Variants in RALYL observed in about 807,000 individuals in gnomAD.
The protein encoded by RALYL is RALY RNA binding protein like.
In RALYL, 29 loss-of-function variants were observed where a neutral mutation model predicts 35.1. The ratio of observed to expected loss-of-function variants is 0.83; its 90% CI spans 0.61 to 1.13. RALYL has a LOEUF of 1.13. Among genes scored for constraint, RALYL ranks in the 50% most tolerant of loss-of-function variants. RALYL has a pLI of 0.00. For missense variants in RALYL, 359 were observed against 360.4 expected (o/e 1.00, Z 0.03); for synonymous variants, 120 against 127.6 (o/e 0.94, Z 0.40).
chr8:84,541,889 G>A (rs138615085), intron 2 of RALYL, among the ~76,000 whole-genome samples: 12 of 152,072 alleles, frequency 7.9e-5, no homozygotes, highest in African/African-American at 2.6e-4. Context: ...CTTGATTTGT[G>A]TTTGTATGGT....
At chr8:84,703,247 G>T (rs527564389) in intron 2 of RALYL, among the ~76,000 whole-genome samples, 2 of 152,052 alleles carry the variant, frequency 1.3e-5, no homozygotes, top group Non-Finnish European at 2.9e-5. Flanking sequence ...AAGCCACTAG[G>T]CCCAGATGTG....
chr8:84,185,079 G>A lies in RALYL; in HGVS notation c.-24+655G>A, dbSNP rs552062576. The A allele has an allele frequency of 8.9e-6, 14 of 1,565,724 alleles. No individual in the cohort carries two copies. In the East Asian group the frequency reaches 2.9e-4, roughly 33 times the overall value. ...TTGCTTTCTTAGGGATGCTGTCTTT[G>A]GATCTTTTTTTTCCCTGTTGTGTTG... is the stretch of plus-strand genomic sequence containing the variant. On this transcript the variant is annotated intron_variant, in intron 1 of 8. Transcript: ENST00000521268.
intron 2 of RALYL, among the ~76,000 whole-genome samples, chr8:84,656,953 T>A (rs1830069085): frequency 6.6e-6 from 1 of 152,116 alleles, no homozygotes; most frequent in South Asian, 2.1e-4. Context: ...GAAAAAATGT[T>A]TTATGAGGCA....
chr8:84,258,923 T>C (rs1200622792), intron 1 of RALYL, among the ~76,000 whole-genome samples: 1 of 152,152 alleles, frequency 6.6e-6, no homozygotes, highest in African/African-American at 2.4e-5. Context: ...GTGTTTCTGT[T>C]CTATCTTTAT....
intron 2 of RALYL, among the ~76,000 whole-genome samples, chr8:84,649,293 C>T (rs1390138815): frequency 6.6e-6 from 1 of 152,026 alleles, no homozygotes; most frequent in Non-Finnish European, 1.5e-5. Context: ...AATTAGATCC[C>T]ATTTGTCAAC....
chr8:84,297,668 C>T (rs528895723), intron 1 of RALYL, among the ~76,000 whole-genome samples: 3 of 152,136 alleles, frequency 2.0e-5, no homozygotes, highest in Non-Finnish European at 4.4e-5. Flanking sequence ...TTCTAATCAA[C>T]AGTGGATAAG....
In RALYL at chr8:84,448,181, C is replaced by T. The variant is rs552174553; in HGVS notation, c.-23-81118C>T. On this transcript the variant is annotated intron_variant, in intron 1 of 8. Coordinates refer to ENST00000521268, the MANE Select transcript of RALYL (RefSeq NM_173848.7). ...CTCTCATATTATCTTTATTAGCAAC[C>T]ACCCTCCAGCCCACCCTTCCACACA... 2.6e-5 allele frequency among the ~76,000 whole-genome samples: 4 copies of T among 152,018 alleles called. No individual in the cohort carries two copies. In the South Asian group the frequency reaches 8.3e-4, roughly 32 times the overall value.
intron 1 of RALYL, among the ~76,000 whole-genome samples, chr8:84,408,977 G>A (rs191113964): frequency 2.4e-4 from 36 of 151,966 alleles, no homozygotes; most frequent in Middle Eastern, 6.8e-3. Flanking sequence ...TAAATGCTTA[G>A]CACAATGCTA....
rs774899082 is a variant in RALYL, at chr8:84,719,462, A to G, written c.257-55117A>G. ...AGTTACTTTTTCTACTGACAACCCT[A>G]ATTTCCTTATTTGATGAGAAGTATG... On this transcript the variant is annotated intron_variant, in intron 2 of 8. Transcript: ENST00000521268. Among the ~76,000 whole-genome samples, 46 of 152,140 alleles carry G rather than the reference A, an allele frequency of 3.0e-4. 2 individuals are homozygous for G. Among genetic ancestry groups the G allele is most frequent in the Admixed American group, 5.2e-4 (8 of 15,258 alleles).
At chr8:84,558,369 GT>G (rs2061267383) in intron 2 of RALYL, among the ~76,000 whole-genome samples, 1 of 152,152 alleles carries the variant, frequency 6.6e-6, no homozygotes, top group South Asian at 2.1e-4. Flanking sequence ...TGTTTCTTGT[GT>G]TTTGTAGTAT....
intron 2 of RALYL, among the ~76,000 whole-genome samples, chr8:84,552,412 G>T: frequency 8.7e-6 from 1 of 114,580 alleles, no homozygotes; most frequent in Non-Finnish European, 1.6e-5. Context: ...AGCAAAGGTA[G>T]CTCTGTCAAA....
intron 2 of RALYL, among the ~76,000 whole-genome samples, chr8:84,687,406 C>T (rs1042196218): frequency 6.6e-6 from 1 of 151,982 alleles, no homozygotes; most frequent in Non-Finnish European, 1.5e-5. Context: ...AAAAAATACC[C>T]GAGTGAAAAC....
At chr8:84,321,559 G>A (rs1844813286) in intron 1 of RALYL, among the ~76,000 whole-genome samples, 1 of 152,098 alleles carries the variant, frequency 6.6e-6, no homozygotes, top group African/African-American at 2.4e-5. Context: ...TACATCCTGT[G>A]GAACTGAGAA....
intron 4 of RALYL, among the ~76,000 whole-genome samples, chr8:84,848,203 C>T (rs1466178994): frequency 6.6e-6 from 1 of 152,008 alleles, no homozygotes; most frequent in Non-Finnish European, 1.5e-5. Flanking sequence ...TGCACCAGTG[C>T]TCATAGAAAC....
At chr8:84,255,634 C>T (rs1304078472) in intron 1 of RALYL, among the ~76,000 whole-genome samples, 5 of 151,876 alleles carry the variant, frequency 3.3e-5, no homozygotes, top group African/African-American at 4.8e-5. Flanking sequence ...AACTTTTTCA[C>T]GGAGAAACTG....
intron 4 of RALYL, chr8:84,828,475 G>T (rs1830166511): frequency 6.6e-6 from 1 of 152,182 alleles, no homozygotes; most frequent in African/African-American, 2.4e-5. Context: ...CAGTATTTAT[G>T]GAGGTCACTG....
At chr8:84,741,344 C>G (rs560299137) in intron 2 of RALYL, among the ~76,000 whole-genome samples, 116 of 152,094 alleles carry the variant, frequency 7.6e-4, no homozygotes, top group Non-Finnish European at 1.5e-3. Flanking sequence ...AGCTAGCTGT[C>G]TTAGTTTGCA....
In RALYL at chr8:84,810,012, T is replaced by C. The variant is rs548985073; in HGVS notation, c.365+5210T>C. On this transcript the variant is annotated intron_variant, in intron 4 of 8. Transcript: ENST00000521268. ...TTCTGCTCTGATCTTGGTTATTTCC[T>C]TTCTTTTACTGGGTTTGGTTTTGGT... Among the ~76,000 whole-genome samples, 11 of 152,270 alleles carry C rather than the reference T, an allele frequency of 7.2e-5. No individual in the cohort carries two copies. The East Asian group carries it at 1.9e-3, about 27-fold the overall frequency.
At chr8:84,293,411 T>C (rs1041956023) in intron 1 of RALYL, among the ~76,000 whole-genome samples, 4 of 152,114 alleles carry the variant, frequency 2.6e-5, no homozygotes, top group Non-Finnish European at 1.5e-5. Context: ...TCCATCCTAA[T>C]GATTATAGAA....
Sources: allele counts gnomAD v4.1 joint callset (sites outside exome capture counted in the v4.1 genomes callset), GRCh38; gene constraint gnomAD v4.1.1; transcripts MANE v1.5; gene names NCBI Gene and HGNC (gene_info 2026-07-23, HGNC 2026-07-21).